The following RAB37 variants were observed in gnomAD, a reference collection of about 807,000 sequenced individuals.
RAB37 encodes ras-related protein Rab-37.
In RAB37, 29 loss-of-function variants were observed where a neutral mutation model predicts 33.1. That is an observed-to-expected ratio of 0.88 (90% CI 0.65 to 1.20). The LOEUF is 1.20. RAB37 is among the 50% of genes most tolerant of loss of function. The pLI is 0.00. For synonymous variants in RAB37, 128 were observed against 119.5 expected (o/e 1.07, Z -0.47); for missense variants, 299 against 301.1 (o/e 0.99, Z 0.05).
Position 74,683,773 on chromosome 17 carries a change from G to A in RAB37, c.72+12115G>A, listed in dbSNP as rs184772902. On this transcript the variant is annotated intron_variant, in intron 1 of 7. Coordinates refer to the RAB37 transcript ENST00000340415. ...ACGCCTGGTTTTGGATGTGCCTCGAGTAACCAGGGAAGAGTCATCTTATGC... is the reference window on the plus strand; with the variant it reads ...ACGCCTGGTTTTGGATGTGCCTCGAATAACCAGGGAAGAGTCATCTTATGC... Among the ~76,000 whole-genome samples the A allele has an allele frequency of 1.7e-3, 255 of 152,290 alleles. 1 individual carries two copies. Among genetic ancestry groups the A allele is most frequent in the South Asian group, 6.8e-3 (33 of 4,828 alleles).
chr17:74,682,370 A>T (rs1401948341), intron 1 of RAB37, among the ~76,000 whole-genome samples: 1 of 151,988 alleles, frequency 6.6e-6, no homozygotes, highest in Non-Finnish European at 1.5e-5. Context: ...GGCTCCATTC[A>T]CAGGCAGGCT....
chr17:74,715,610 C>A (rs527870730), intron 1 of RAB37, among the ~76,000 whole-genome samples: 8 of 152,332 alleles, frequency 5.3e-5, no homozygotes, highest in South Asian at 2.1e-4. Flanking sequence ...AAGCTTTCTT[C>A]TCCTGGGCAT....
intron 1 of RAB37, among the ~76,000 whole-genome samples, chr17:74,715,621 G>T (rs1209133008): frequency 6.6e-6 from 1 of 152,208 alleles, no homozygotes; most frequent in African/African-American, 2.4e-5. Flanking sequence ...TCCTGGGCAT[G>T]AGCAACAAGG....
In RAB37 at chr17:74,745,560, A is replaced by G. The variant is rs1337089987; in HGVS notation, c.*149A>G. On this transcript the variant is annotated 3_prime_UTR_variant, in exon 9 of 9. Transcript: ENST00000392613. This position sits in a 1 kb window ranked among gnomAD's most constrained non-coding sequence, Gnocchi z 4.5. ...CTTCCTAGCAGGGAGCTATACTCCA[A>G]CTCCTACTTGAGTTCCTGCGGTCTC... 5 of 635,602 alleles carry G rather than the reference A, an allele frequency of 7.9e-6. No individual in the cohort carries two copies. In the East Asian group the frequency reaches 1.4e-4, roughly 18 times the overall value. The allele number at this position is 635,602 out of a possible 1,614,324, so 39.4% of individuals were successfully genotyped here. A position where few individuals can be genotyped will look rare whatever the true frequency, so the allele number is the denominator to read the frequency against.
At chr17:74,711,906 C>CTTT (rs71361629) in intron 1 of RAB37, among the ~76,000 whole-genome samples, 4 of 123,670 alleles carry the variant, frequency 3.2e-5, no homozygotes, top group Admixed American at 8.5e-5. Context: ...TTTCTTTTTT[C>CTTT]TTTTTTTTTT....
chr17:74,684,448 A>G (rs1444920508), intron 1 of RAB37, among the ~76,000 whole-genome samples: 1 of 152,120 alleles, frequency 6.6e-6, no homozygotes, highest in Admixed American at 6.6e-5. Flanking sequence ...ATGAAAAACA[A>G]AGAAAAAATT....
At chr17:74,686,728 A>C (rs1263358933) in intron 1 of RAB37, among the ~76,000 whole-genome samples, 1 of 152,096 alleles carries the variant, frequency 6.6e-6, no homozygotes, top group African/African-American at 2.4e-5. Flanking sequence ...CTGTACCTAC[A>C]TCTCCACTGG....
intron 1 of RAB37, chr17:74,695,381 T>A (rs1598199276): frequency 8.9e-7 from 1 of 1,119,078 alleles, no homozygotes; most frequent in East Asian, 2.5e-5. Context: ...GCCCTCCAGC[T>A]TCCCCCTTCA....
intron 1 of RAB37, among the ~76,000 whole-genome samples, chr17:74,723,425 G>A (rs1339715470): frequency 7.5e-6 from 1 of 134,116 alleles, no homozygotes; most frequent in Non-Finnish European, 1.5e-5. Context: ...TCTCGTACTT[G>A]TGGGTTTGTT....
intron 1 of RAB37, chr17:74,695,723 A>G: frequency 6.2e-7 from 1 of 1,614,040 alleles, no homozygotes; most frequent in Non-Finnish European, 8.5e-7. Context: ...TGGAGGACGC[A>G]CCATGGTGAC....
intron 1 of RAB37, among the ~76,000 whole-genome samples, chr17:74,728,609 ATG>A (rs961874778): frequency 2.1e-5 from 3 of 145,768 alleles, no homozygotes; most frequent in African/African-American, 5.2e-5. Flanking sequence ...GTGTATGTTT[ATG>A]TGTGTGTGCC....
intron 1 of RAB37, among the ~76,000 whole-genome samples, chr17:74,722,282 CAAAA>C (rs375629072): frequency 6.1e-5 from 4 of 65,542 alleles, no homozygotes; most frequent in Non-Finnish European, 6.6e-5. Flanking sequence ...GACTCTGTCT[CAAAA>C]AAAAAAAAAA....
rs142349923 is a variant in RAB37 at position 74,706,573 on chromosome 17, C to T, written c.73-22683C>T. ...ATCCCAGCTACTCGGGAGGCTGAGG[C>T]AAGAGAATCGCTTGAACCCGGGAGG... On this transcript the variant is annotated intron_variant, in intron 1 of 7. Transcript: ENST00000340415. Among the ~76,000 whole-genome samples the T allele has an allele frequency of 1.6e-3, 236 of 152,170 alleles. 2 individuals carry two copies. Among genetic ancestry groups the T allele is most frequent in the Middle Eastern group, 0.014 (4 of 294 alleles).
At chr17:74,699,864 G>A (rs1031678310) in intron 1 of RAB37, among the ~76,000 whole-genome samples, 14 of 152,148 alleles carry the variant, frequency 9.2e-5, no homozygotes, top group African/African-American at 3.4e-4. Flanking sequence ...CAACAGGCCA[G>A]GCACAGTGGC....
At chr17:74,682,694 C>T (rs568914540) in intron 1 of RAB37, among the ~76,000 whole-genome samples, 47 of 152,276 alleles carry the variant, frequency 3.1e-4, no homozygotes, top group African/African-American at 1.0e-3. Context: ...CACCCGAGGT[C>T]GGGAGTTCAA....
intron 1 of RAB37, among the ~76,000 whole-genome samples, chr17:74,712,362 C>T (rs2143962494): frequency 6.6e-6 from 1 of 152,260 alleles, no homozygotes; most frequent in Non-Finnish European, 1.5e-5. Context: ...CCTTCTGCCC[C>T]AAATGCCTAG....
rs1598254165 is a variant in RAB37, at chr17:74,704,390, A to G, written c.73-24866A>G. 1.0e-5 allele frequency: 10 copies of G among 955,850 alleles called. No homozygotes were observed. The South Asian group carries it at 1.4e-4, about 13-fold the overall frequency. 59.2% of individuals were successfully genotyped at this position (955,850 alleles called of 1,614,324 possible). ...TCGGGACTCAAGTGATAGATCACTCAGTGACAATTAAATCACTTGAGTAGG... is the reference window on the plus strand; with the variant it reads ...TCGGGACTCAAGTGATAGATCACTCGGTGACAATTAAATCACTTGAGTAGG... On this transcript the variant is annotated intron_variant, in intron 1 of 7. Coordinates refer to the RAB37 transcript ENST00000340415.
At chr17:74,685,572 T>C (rs1389105167) in intron 1 of RAB37, among the ~76,000 whole-genome samples, 2 of 152,180 alleles carry the variant, frequency 1.3e-5, no homozygotes, top group Non-Finnish European at 2.9e-5. Flanking sequence ...AAAAGAGATC[T>C]GAGAGACATT....
intron 1 of RAB37, among the ~76,000 whole-genome samples, chr17:74,724,436 A>C (rs1450533148): frequency 6.6e-6 from 1 of 152,218 alleles, no homozygotes; most frequent in Non-Finnish European, 1.5e-5. Flanking sequence ...TGCCCTAAGC[A>C]GTTTGCAGCT....
Sources: allele counts gnomAD v4.1 joint callset (sites outside exome capture counted in the v4.1 genomes callset), GRCh38; gene constraint gnomAD v4.1.1; non-coding constraint Gnocchi (gnomAD v3.1); transcripts MANE v1.5; gene names NCBI Gene and HGNC (gene_info 2026-07-23, HGNC 2026-07-21).